Variants in UNC13B observed in about 807,000 individuals in gnomAD.
UNC13B encodes unc-13 homolog B, also known as protein unc-13 homolog B.
In UNC13B, 144 loss-of-function variants were observed where a neutral mutation model predicts 211.0. The observed-to-expected ratio is 0.68, with a 90% CI of 0.60 to 0.78. UNC13B has a LOEUF of 0.78. Ranked by LOEUF, UNC13B falls within the 30% of genes least tolerant of loss-of-function variation. The pLI, the probability that UNC13B is intolerant of heterozygous loss-of-function variation, is 0.00. For synonymous variants in UNC13B, 709 were observed against 725.8 expected, an observed-to-expected ratio of 0.98 and a Z score of 0.37; for missense variants, 1,777 against 2,002.0, an observed-to-expected ratio of 0.89 and a Z score of 2.14.
intron 9 of UNC13B, 65 bp downstream of exon 9, chr9:35,308,477 TTAG>T (rs1830032657): frequency 5.0e-6 from 2 of 397,962 alleles, no homozygotes; most frequent in Admixed American, 8.8e-5. Flanking sequence ...TGCAAGTGAC[TTAG>T]TGGTAGATTA....
intron 15 of UNC13B, 129 bp from the exon 16 acceptor site, chr9:35,377,339 A>G (rs1170919491): frequency 2.2e-6 from 2 of 924,612 alleles, no homozygotes; most frequent in Non-Finnish European, 3.2e-6. Flanking sequence ...GCCCTTGCTT[A>G]ATTGCTGAGA....
chr9:35,297,845 G>A (rs554632869), intron 8 of UNC13B, among the ~76,000 whole-genome samples: 6 of 151,742 alleles, frequency 4.0e-5, no homozygotes, highest in African/African-American at 1.2e-4. Flanking sequence ...CACCGCGCCC[G>A]GCCCCTACTT....
rs567932142 is a variant in UNC13B at position 35,339,955 on chromosome 9, GC to G, written c.9414+25968del. Among the ~76,000 whole-genome samples, 80 of 152,346 alleles carry G rather than the reference GC, an allele frequency of 5.3e-4. 1 individual carries two copies. The highest frequency in any genetic ancestry group is 2.7e-3 in the South Asian group (13 of 4,832). ...TTTGAGCTTCTCCTTAGCCTAGGAA[GC>G]CTGACCAAACCTGATAGTGACAGCC... On this transcript the variant is annotated intron_variant, in intron 11 of 39. Transcript: ENST00000635942.
In UNC13B at chr9:35,398,628, G is replaced by T. The variant is rs920154335; in HGVS notation, c.11907G>T (p.Met3969Ile). 8 of 1,613,868 alleles carry T rather than the reference G, an allele frequency of 5.0e-6. No homozygotes were observed. In the South Asian group the frequency reaches 6.6e-5, roughly 13 times the overall value. Reference sequence around the variant, plus strand: ...ATACGGTTCTGGATGAGCTCAGCATGGTGTTTGGAAACAGGTCAGTGACCC... The same window carrying T: ...ATACGGTTCTGGATGAGCTCAGCATTGTGTTTGGAAACAGGTCAGTGACCC... The part of the protein sequence containing the change: ...KLNTVLDELS[M>I]VFGNSFQVRI... The change falls in exon 32 of 40, where the codon ATG (methionine) becomes ATT (isoleucine). Residue 3969 changes from methionine (M) to isoleucine (I), a missense_variant. Coordinates refer to ENST00000635942, the MANE Select transcript of UNC13B (RefSeq NM_001371189.2).
At chr9:35,217,010 G>GA (rs961720558) in intron 1 of UNC13B, among the ~76,000 whole-genome samples, 25 of 152,224 alleles carry the variant, frequency 1.6e-4, no homozygotes, top group African/African-American at 6.0e-4. Flanking sequence ...GGTTTGGGAT[G>GA]ATGAGGGAGG....
At chr9:35,277,638 T>G (rs988647068) in intron 7 of UNC13B, among the ~76,000 whole-genome samples, 2 of 151,988 alleles carry the variant, frequency 1.3e-5, no homozygotes, top group Non-Finnish European at 2.9e-5. Flanking sequence ...TTGTTCTTAG[T>G]GAGTAGCTAT....
chr9:35,342,220 A>G, intron 11 of UNC13B: 1 of 985,744 alleles, frequency 1.0e-6, no homozygotes. Context: ...TTCTCTGTCA[A>G]ACCAAGGAGT....
At position 35,399,513 on chromosome 9, in the gene UNC13B, T is replaced by A. The variant is rs1294559487; in HGVS notation, c.12255+65T>A. 17 of 1,610,712 alleles carry A rather than the reference T, an allele frequency of 1.1e-5. No homozygotes were observed. In the South Asian group the frequency reaches 1.6e-4, roughly 16 times the overall value. ...TCTGAAGTCATGGAGAGAGGGTGGCTGCGGGGAAGGAAATTGGAGCTTTGG... is the reference window on the plus strand; with the variant it reads ...TCTGAAGTCATGGAGAGAGGGTGGCAGCGGGGAAGGAAATTGGAGCTTTGG... On this transcript the variant is annotated intron_variant, in intron 35 of 39. Coordinates refer to ENST00000635942, the MANE Select transcript of UNC13B (RefSeq NM_001371189.2).
At chr9:35,363,149 C>T (rs753199094) in intron 11 of UNC13B, among the ~76,000 whole-genome samples, 1 of 152,056 alleles carries the variant, frequency 6.6e-6, no homozygotes, top group Non-Finnish European at 1.5e-5. Flanking sequence ...AGAAAGAGGG[C>T]AGAGGAGAGG....
chr9:35,396,032 A>G (rs570315656), intron 26 of UNC13B, among the ~76,000 whole-genome samples: 13 of 152,218 alleles, frequency 8.5e-5, no homozygotes, highest in African/African-American at 3.1e-4. Flanking sequence ...CATGCCATGT[A>G]CACCTGCTCA....
chr9:35,363,193 G>A (rs758703450), intron 11 of UNC13B, among the ~76,000 whole-genome samples: 6 of 152,212 alleles, frequency 3.9e-5, no homozygotes, highest in African/African-American at 1.2e-4. Flanking sequence ...ATGGAGAGCC[G>A]TGACGGCTCT....
At chr9:35,266,291 G>A (rs991136547) in intron 7 of UNC13B, among the ~76,000 whole-genome samples, 2 of 152,138 alleles carry the variant, frequency 1.3e-5, no homozygotes, top group African/African-American at 4.8e-5. Context: ...CATGTGGATG[G>A]CCCCTCCACT....
chr9:35,163,116 C>T (rs992961102), intron 1 of UNC13B, among the ~76,000 whole-genome samples: 11 of 152,144 alleles, frequency 7.2e-5, no homozygotes, highest in Non-Finnish European at 1.3e-4. Flanking sequence ...AATGCAAGTA[C>T]TGTGACTTCA....
intron 11 of UNC13B, chr9:35,351,542 C>G (rs1832719984): frequency 5.7e-6 from 7 of 1,232,234 alleles, no homozygotes; most frequent in Non-Finnish European, 6.1e-6. Flanking sequence ...GCGATTGTTG[C>G]AAGAGTCAGA....
intron 1 of UNC13B, among the ~76,000 whole-genome samples, chr9:35,200,697 CT>C (rs1823233026): frequency 6.6e-6 from 1 of 152,184 alleles, no homozygotes; most frequent in Non-Finnish European, 1.5e-5. Flanking sequence ...TATCCTGAGA[CT>C]TTCCTGAAGT....
At chr9:35,239,185 C>G (rs914779129) in intron 5 of UNC13B, among the ~76,000 whole-genome samples, 1 of 151,990 alleles carries the variant, frequency 6.6e-6, no homozygotes, top group Non-Finnish European at 1.5e-5. Flanking sequence ...TGTATGATAT[C>G]TTATCAGGGG....
rs79036431 is a variant in UNC13B at position 35,332,456 on chromosome 9, C to G, written c.9414+18467C>G. Among the ~76,000 whole-genome samples the G allele has an allele frequency of 9.5e-4, 145 of 152,302 alleles. 1 individual carries two copies. In the East Asian group the frequency reaches 0.023, roughly 24 times the overall value. On this transcript the variant is annotated intron_variant, in intron 11 of 39. Transcript: ENST00000635942. ...TCTACTAGTCACCCACTCAAAATCACGGTGTCACTTTTTATTCTTCCTTCT... is the reference window on the plus strand; with the variant it reads ...TCTACTAGTCACCCACTCAAAATCAGGGTGTCACTTTTTATTCTTCCTTCT...
chr9:35,234,011 A>G (rs1454848339), intron 3 of UNC13B, among the ~76,000 whole-genome samples: 1 of 152,194 alleles, frequency 6.6e-6, no homozygotes, highest in African/African-American at 2.4e-5. Flanking sequence ...TATCTGTTCA[A>G]GTCAAGCTGT....
At chr9:35,366,730 A>G (rs758247941) in intron 11 of UNC13B, among the ~76,000 whole-genome samples, 1 of 152,058 alleles carries the variant, frequency 6.6e-6, no homozygotes, top group Non-Finnish European at 1.5e-5. Context: ...GCTTTGCCCT[A>G]TCTCCTATTC....
Sources: allele counts gnomAD v4.1 joint callset (sites outside exome capture counted in the v4.1 genomes callset), GRCh38; gene constraint gnomAD v4.1.1; transcripts MANE v1.5; gene names NCBI Gene and HGNC (gene_info 2026-07-23, HGNC 2026-07-21).